The following EXOC5 variants were observed in gnomAD, a reference collection of about 807,000 sequenced individuals.
EXOC5 encodes the protein SEC10-like 1.
A neutral mutation model predicts 90.8 loss-of-function variants in EXOC5; 17 were observed. That is an observed-to-expected ratio of 0.19 (90% CI 0.13 to 0.28). EXOC5 has a LOEUF of 0.28. Ranked by LOEUF, EXOC5 falls within the 10% of genes least tolerant of loss-of-function variation. The pLI is 1.00. For synonymous variants in EXOC5, 260 were observed against 270.0 expected (o/e 0.96, Z 0.36); for missense variants, 569 against 830.6 (o/e 0.69, Z 3.87).
intron 1 of EXOC5, among the ~76,000 whole-genome samples, chr14:57,260,242 T>A (rs1370154895): frequency 6.6e-6 from 1 of 152,076 alleles, no homozygotes; most frequent in Non-Finnish European, 1.5e-5. Flanking sequence ...AAATATTTTG[T>A]CTCAGGCTAG....
chr14:57,217,704 A>T (rs1001441993), intron 15 of EXOC5, among the ~76,000 whole-genome samples: 4 of 152,078 alleles, frequency 2.6e-5, no homozygotes, highest in South Asian at 4.1e-4. Context: ...CAACTGAAAA[A>T]CGTCACATAT....
intron 14 of EXOC5, 46 bp downstream of exon 14, chr14:57,219,276 A>G (rs1267659629): frequency 9.0e-6 from 11 of 1,228,862 alleles, no homozygotes; most frequent in Middle Eastern, 2.8e-4. Flanking sequence ...GTAGAATGCT[A>G]TAATAGTCAC....
intron 1 of EXOC5, among the ~76,000 whole-genome samples, chr14:57,259,663 T>C (rs936198755): frequency 4.6e-5 from 7 of 152,198 alleles, no homozygotes; most frequent in Non-Finnish European, 2.9e-5. Context: ...GTTCCTTCCT[T>C]ACATGGTCTC....
chr14:57,233,994 G>T lies in EXOC5; in HGVS notation c.708C>A (p.Cys236Ter). The T allele has an allele frequency of 1.2e-6, 2 of 1,600,896 alleles. No homozygotes were observed. The highest frequency in any genetic ancestry group is 1.7e-6 in the Non-Finnish European group (2 of 1,168,476). Residue 236 changes from cysteine (C) to a stop codon, truncating the protein, a stop_gained, in exon 8 of 18, where the codon TGC becomes TGA. Transcript: ENST00000621441. LOFTEE classifies it high-confidence loss of function. ...AAGTGTACTGTTATGTTACCTCCTG[G>T]CACTGCTTTATATAAACATCAACAC... ...SHCVDVYIKQ[C>*]QEGAYLRNDI...
At position 57,205,619 on chromosome 14, in the gene EXOC5, G is replaced by A; in HGVS notation, c.*2990C>T. Reference sequence around the variant, plus strand: ...TGTAAATATTCACCATTACAGGTAAGAAAAACGCATTTTAGGGAAGCAGTG... The same window carrying A: ...TGTAAATATTCACCATTACAGGTAAAAAAAACGCATTTTAGGGAAGCAGTG... On this transcript the variant is annotated 3_prime_UTR_variant, in exon 18 of 18. Transcript: ENST00000621441. The A allele has an allele frequency of 3.0e-6, 1 of 328,026 alleles. No homozygotes were observed. Among genetic ancestry groups the A allele is most frequent in the South Asian group, 2.6e-5 (1 of 38,592 alleles). The allele number at this position is 328,026 out of a possible 1,614,324, so 20.3% of individuals were successfully genotyped here. A position where few individuals can be genotyped will look rare whatever the true frequency, so the allele number is the denominator to read the frequency against.
intron 1 of EXOC5, among the ~76,000 whole-genome samples, chr14:57,251,974 C>T (rs768340155): frequency 5.6e-4 from 85 of 151,998 alleles, no homozygotes; most frequent in Non-Finnish European, 1.0e-3. Context: ...TAGAAAAACT[C>T]CTAGAAACAC....
At position 57,246,650 on chromosome 14, in the gene EXOC5, T is replaced by C. The variant is rs537346393; in HGVS notation, c.270+61A>G. On this transcript the variant is annotated intron_variant, in intron 3 of 17. Transcript: ENST00000621441. ...CTAGACTTTTTTAAGAGCTTAAAACTGGAAGAAAATAAAGATATTATAGCC... is the reference window on the plus strand; with the variant it reads ...CTAGACTTTTTTAAGAGCTTAAAACCGGAAGAAAATAAAGATATTATAGCC... 7 of 1,418,376 alleles carry C rather than the reference T, an allele frequency of 4.9e-6. No homozygotes were observed. In the East Asian group the frequency reaches 1.6e-4, roughly 32 times the overall value. 87.9% of individuals were successfully genotyped at this position (1,418,376 alleles called of 1,614,324 possible). A position where few individuals can be genotyped will look rare whatever the true frequency, so the allele number is the denominator to read the frequency against.
chr14:57,268,898 G>A lies in EXOC5; in HGVS notation c.-250C>T. On this transcript the variant is annotated 5_prime_UTR_variant, in exon 1 of 18. Transcript: ENST00000621441. ...ATTGTCACCGCCTCATACGCCGGAA[G>A]TGGAACTGCGCGCGCCAGGGAGGTT... 1.0e-6 allele frequency: 1 copy of A among 977,978 alleles called. No homozygotes were observed. The highest frequency in any genetic ancestry group is 1.4e-6 in the Non-Finnish European group (1 of 701,830). The allele number at this position is 977,978 out of a possible 1,614,324, so 60.6% of individuals were successfully genotyped here.
intron 1 of EXOC5, among the ~76,000 whole-genome samples, chr14:57,251,123 G>A (rs2139659045): frequency 6.6e-6 from 1 of 152,240 alleles, no homozygotes; most frequent in Middle Eastern, 3.4e-3. Context: ...TCTTCCCAGG[G>A]GAAGGCTTAG....
intron 4 of EXOC5, among the ~76,000 whole-genome samples, chr14:57,240,928 C>T (rs1026739580): frequency 1.3e-5 from 2 of 152,080 alleles, no homozygotes; most frequent in African/African-American, 4.8e-5. Flanking sequence ...TCTTGGCTCA[C>T]TACAATCTCC....
At chr14:57,216,354 A>T (rs1326094676) in intron 15 of EXOC5, among the ~76,000 whole-genome samples, 2 of 152,180 alleles carry the variant, frequency 1.3e-5, no homozygotes, top group African/African-American at 2.4e-5. Context: ...GAGAAAGAAC[A>T]AAACTGGAAG....
At chr14:57,262,638 G>C (rs1432129339) in intron 1 of EXOC5, among the ~76,000 whole-genome samples, 1 of 141,052 alleles carries the variant, frequency 7.1e-6, no homozygotes, top group Non-Finnish European at 1.5e-5. Context: ...TATACATTAA[G>C]TATATATACA....
chr14:57,222,473 A>T, intron 12 of EXOC5, 57 bp from the exon 13 acceptor site: 1 of 951,022 alleles, frequency 1.1e-6, no homozygotes, highest in Non-Finnish European at 1.6e-6. Context: ...GAAAATGCCA[A>T]TTTTTTTTAA....
At chr14:57,232,975 AGG>A in intron 9 of EXOC5, 1 of 377,598 alleles carries the variant, frequency 2.6e-6, no homozygotes, top group Non-Finnish European at 4.7e-6. Context: ...TATCAGTCTT[AGG>A]AATAATACCT....
chr14:57,232,796 T>C, intron 9 of EXOC5, 47 bp from the exon 10 acceptor site: 1 of 862,002 alleles, frequency 1.2e-6, no homozygotes, highest in Non-Finnish European at 1.9e-6. Context: ...AATATTAAAT[T>C]CTACAACTTC....
rs760032230 is a variant in EXOC5, at chr14:57,206,036, C to T, written c.*2573G>A. The T allele has an allele frequency of 4.2e-5, 19 of 453,026 alleles. 1 individual carries two copies. In the Middle Eastern group the frequency reaches 1.0e-3, roughly 24 times the overall value. The allele number at this position is 453,026 out of a possible 1,614,324, so 28.1% of individuals were successfully genotyped here. ...TAAGGTAGGCTTCCTTTATTAAATT[C>T]GTATTCTGTATTTCAGATATTTCTC... On this transcript the variant is annotated 3_prime_UTR_variant, in exon 18 of 18. Transcript: ENST00000621441.
chr14:57,222,597 A>G (rs1327091577), intron 12 of EXOC5, among the ~76,000 whole-genome samples, 181 bp from the exon 13 acceptor site: 1 of 151,846 alleles, frequency 6.6e-6, no homozygotes, highest in Non-Finnish European at 1.5e-5. Flanking sequence ...ACAATGCTCC[A>G]TATTTATCTA....
rs1303056444 is a variant in EXOC5, at chr14:57,222,784, T to TAC, written c.1297-370_1297-369dup. On this transcript the variant is annotated intron_variant, in intron 12 of 17. Transcript: ENST00000621441. ...ACACATATATATATATATATATGTA[T>TAC]ACACACACACACATACACACACACA... Among the ~76,000 whole-genome samples, 25 of 150,016 alleles carry TAC rather than the reference T, an allele frequency of 1.7e-4. 2 individuals carry two copies. The highest frequency in any genetic ancestry group is 1.1e-3 in the South Asian group (5 of 4,714).
intron 1 of EXOC5, among the ~76,000 whole-genome samples, chr14:57,248,094 GTT>G (rs200141338): frequency 7.1e-6 from 1 of 140,262 alleles, no homozygotes. Context: ...ATCTCACAAA[GTT>G]TTTTTTTTTT....
Sources: gnomAD v4.1 joint callset for allele counts (sites outside exome capture counted in the v4.1 genomes callset) on GRCh38, gnomAD v4.1.1 for gene constraint, MANE v1.5 for transcripts, NCBI Gene and HGNC (gene_info 2026-07-23, HGNC 2026-07-21) for gene names.